AP1G2: variants seen among roughly 807,000 people sequenced by gnomAD.
AP1G2 encodes adaptor related protein complex 1 subunit gamma 2.
In AP1G2, 85 loss-of-function variants were observed where a neutral mutation model predicts 95.8. The ratio of observed to expected loss-of-function variants is 0.89; its 90% confidence interval spans 0.74 to 1.06. The LOEUF is 1.06. Among genes scored for constraint, AP1G2 ranks in the 50% least tolerant of loss-of-function variants. The probability of loss-of-function intolerance (pLI) is 0.00; values close to 1 mark genes in which losing one functional copy is unlikely to be tolerated. For synonymous variants in AP1G2, 378 were observed against 400.0 expected (o/e 0.94, Z 0.66); for missense variants, 967 against 1,005.8 (o/e 0.96, Z 0.52).
chr14:23,559,885 C>G, intron 21 of AP1G2, 35 bp from the exon 22 acceptor site: 1 of 1,612,420 alleles, frequency 6.2e-7, no homozygotes, highest in Non-Finnish European at 8.5e-7. Flanking sequence ...GGGTTAGCAC[C>G]CACGGCTTCT....
At position 23,566,335 on chromosome 14, in the gene AP1G2, G is replaced by T; in HGVS notation, c.414C>A (p.Asp138Glu). 1 of 1,614,042 alleles carries T rather than the reference G, an allele frequency of 6.2e-7. No homozygotes were observed. The change falls in exon 4 of 22, where the codon GAC becomes GAA. Residue 138 changes from aspartate to glutamate, a missense_variant. Coordinates refer to ENST00000397120, the MANE Select transcript of AP1G2 (RefSeq NM_003917.5). ...GCAGTTTCTCCACCTCTGGGGCCAG[G>T]TCTCGGCACATCTCAGCAGAGCCCA... Reference protein sequence around the residue: ...STMGSAEMCRDLAPEVEKLLL... With the variant: ...STMGSAEMCRELAPEVEKLLL...
chr14:23,563,939 G>C, intron 11 of AP1G2, 83 bp from the exon 12 acceptor site: 1 of 1,597,950 alleles, frequency 6.3e-7, no homozygotes, highest in Admixed American at 1.7e-5. Flanking sequence ...CCAGGGACCT[G>C]TCCCCCTTAG....
chr14:23,564,544 A>T lies in AP1G2; in HGVS notation c.921+18T>A. 1 of 1,611,062 alleles carries T rather than the reference A, an allele frequency of 6.2e-7. No homozygotes were observed. Among genetic ancestry groups the T allele is most frequent in the Non-Finnish European group, 8.5e-7 (1 of 1,178,092 alleles). On this transcript the variant is annotated intron_variant, in intron 9 of 21. Coordinates refer to ENST00000397120, the MANE Select transcript of AP1G2 (RefSeq NM_003917.5). ...GTGGTGGGCGGGGCCGTAGTGGGAG[A>T]GGCATAAGGGGTGATACCCGTAGGC...
Position 23,564,091 on chromosome 14 carries a change from G to A in AP1G2, c.1046C>T (p.Pro349Leu). The change falls in exon 11 of 22, where the codon CCC becomes CTC. Residue 349 changes from proline to leucine, a missense_variant. Transcript: ENST00000397120. The part of the protein sequence containing the change: ...SDHSAVQRHR[P>L]TVVECLRETD... ...TTCCCGTAGACATTCCACCACAGTG[G>A]GCCGATGCCGCTGCACAGCACTGTG... is the stretch of plus-strand genomic sequence containing the variant. 6.2e-7 allele frequency: 1 copy of A among 1,614,188 alleles called. No individual in the cohort carries two copies. The highest frequency in any genetic ancestry group is 8.5e-7 in the Non-Finnish European group (1 of 1,180,038).
At chr14:23,561,675 T>C in intron 17 of AP1G2, 40 bp from the exon 18 acceptor site, 2 of 1,607,282 alleles carry the variant, frequency 1.2e-6, no homozygotes, top group Non-Finnish European at 1.7e-6. Flanking sequence ...GTGTGGTCTC[T>C]GGGCCTTTCA....
In AP1G2 at chr14:23,559,979, G is replaced by A. The variant is rs1251512983; in HGVS notation, c.2215C>T (p.Leu739Phe). ...SGNTVPARGG[L>F]PITQLFRILN... is the part of the protein sequence containing the mutation. Reference sequence around the variant, plus strand: ...ATTCTGAAGAGCTGGGTGATAGGAAGGCCACCCCGAGCTGGAACTGTGTTC... The same window carrying A: ...ATTCTGAAGAGCTGGGTGATAGGAAAGCCACCCCGAGCTGGAACTGTGTTC... The change falls in exon 21 of 22, where the codon CTT (leucine) becomes TTT (phenylalanine). Residue 739 changes from leucine to phenylalanine, a missense_variant. Physicochemically the swap from Leu to Phe is conservative, Grantham distance 22. Coordinates refer to ENST00000397120, the MANE Select transcript of AP1G2 (RefSeq NM_003917.5). The A allele has an allele frequency of 1.2e-6, 2 of 1,613,262 alleles. No homozygotes were observed. Among genetic ancestry groups the A allele is most frequent in the South Asian group, 1.1e-5 (1 of 90,980 alleles).
intron 14 of AP1G2, chr14:23,562,890 T>C (rs1271155097): frequency 5.9e-6 from 3 of 512,780 alleles, no homozygotes; most frequent in African/African-American, 5.8e-5. Flanking sequence ...GGGAAGTTTG[T>C]TACCTGGCTC....
At position 23,564,559 on chromosome 14, in the gene AP1G2, T is replaced by C. The variant is rs1391065559; in HGVS notation, c.921+3A>G. ...GTAGTGGGAGAGGCATAAGGGGTGA[T>C]ACCCGTAGGCCAGCTGCAGAGCGGA... is the stretch of plus-strand genomic sequence containing the variant. On this transcript the variant is annotated splice_donor_region_variant and intron_variant, in intron 9 of 21. Coordinates refer to ENST00000397120, the MANE Select transcript of AP1G2 (RefSeq NM_003917.5). 10 of 1,612,804 alleles carry C rather than the reference T, an allele frequency of 6.2e-6. No homozygotes were observed. The Admixed American group carries it at 1.2e-4, about 19-fold the overall frequency.
chr14:23,564,247 GAA>G, intron 10 of AP1G2, 84 bp downstream of exon 10: 1 of 1,613,296 alleles, frequency 6.2e-7, no homozygotes, highest in Non-Finnish European at 8.5e-7. Context: ...AGATAAGAGA[GAA>G]ATGGATCAGG....
Position 23,559,645 on chromosome 14 carries a change from A to T in AP1G2, c.*104T>A. The T allele has an allele frequency of 9.7e-7, 1 of 1,035,878 alleles. No individual in the cohort carries two copies. Among genetic ancestry groups the T allele is most frequent in the Non-Finnish European group, 1.5e-6 (1 of 680,962 alleles). The allele number at this position is 1,035,878 out of a possible 1,614,324, so 64.2% of individuals were successfully genotyped here. A position where few individuals can be genotyped will look rare whatever the true frequency, so the allele number is the denominator to read the frequency against. On this transcript the variant is annotated 3_prime_UTR_variant, in exon 22 of 22. Coordinates refer to ENST00000397120, the MANE Select transcript of AP1G2 (RefSeq NM_003917.5). ...CTGGTCCCCAGTTTTTGCAGTGCAA[A>T]GCCAGAGCGCCACCTGCTGGTAGCC...
Position 23,564,099 on chromosome 14 carries a change from C to T in AP1G2, c.1038G>A (p.Arg346=). 1.2e-6 allele frequency: 2 copies of T among 1,614,188 alleles called. No individual in the cohort carries two copies. Among genetic ancestry groups the T allele is most frequent in the Non-Finnish European group, 8.5e-7 (1 of 1,180,030 alleles). Residue 346 remains arginine, a synonymous_variant, in exon 11 of 22, where the codon CGG becomes CGA. Transcript: ENST00000397120. The stretch of plus-strand genomic sequence containing the variant: ...GACATTCCACCACAGTGGGCCGATG[C>T]CGCTGCACAGCACTGTGATCAGACT... ...LVQSDHSAVQ[R]HRPTVVECLR...
intron 19 of AP1G2, 92 bp from the exon 20 acceptor site, chr14:23,560,510 G>T: frequency 1.5e-6 from 2 of 1,320,906 alleles, no homozygotes; most frequent in Non-Finnish European, 1.0e-6. Flanking sequence ...ACACCTACTG[G>T]CCCTGCACTA....
chr14:23,567,461 G>A lies in AP1G2; in HGVS notation c.-5-142C>T. ...GCGCCCGCATTTTACCTTTCCCGAA[G>A]TGGGTCTCCAAATTCCGCGCCCACC... On this transcript the variant is annotated intron_variant, in intron 1 of 21. Coordinates refer to ENST00000397120, the MANE Select transcript of AP1G2 (RefSeq NM_003917.5). This position sits in a 1 kb window ranked among gnomAD's most constrained non-coding sequence, Gnocchi z 5.3. The A allele has an allele frequency of 2.1e-6, 3 of 1,403,786 alleles. No individual in the cohort carries two copies. The highest frequency in any genetic ancestry group is 2.8e-6 in the Non-Finnish European group (3 of 1,086,568). 87.0% of individuals were successfully genotyped at this position (1,403,786 alleles called of 1,614,324 possible).
At chr14:23,564,933 G>T in intron 8 of AP1G2, 186 bp downstream of exon 8, 1 of 664,342 alleles carries the variant, frequency 1.5e-6, no homozygotes, top group Non-Finnish European at 2.6e-6. Flanking sequence ...TATGTGCCAG[G>T]GCCAGCCTGG....
Position 23,567,222 on chromosome 14 carries a change from C to T in AP1G2, c.93G>A (p.Glu31=), listed in dbSNP as rs1467871263. 3 of 1,613,150 alleles carry T rather than the reference C, an allele frequency of 1.9e-6. No homozygotes were observed. The highest frequency in any genetic ancestry group is 2.5e-6 in the Non-Finnish European group (3 of 1,179,504). ...GGAAGGAGGCCCGGATGTGGGCACACTCCTTTTGGATCACCTCCCGCTCCT... is the reference window on the plus strand; with the variant it reads ...GGAAGGAGGCCCGGATGTGGGCACATTCCTTTTGGATCACCTCCCGCTCCT... ...QAQEREVIQK[E]CAHIRASFRD... Residue 31 remains glutamate (E), a synonymous_variant, in exon 2 of 22, where the codon GAG becomes GAA. Coordinates refer to ENST00000397120, the MANE Select transcript of AP1G2 (RefSeq NM_003917.5). This position sits in a 1 kb window ranked among gnomAD's most constrained non-coding sequence, Gnocchi z 5.3.
chr14:23,561,869 C>T, intron 17 of AP1G2, 93 bp downstream of exon 17: 2 of 1,505,042 alleles, frequency 1.3e-6, no homozygotes, highest in Non-Finnish European at 1.8e-6. Flanking sequence ...TATGGAAGAA[C>T]ACAGGTGAGG....
At chr14:23,560,172 ACT>A (rs1410848114) in intron 20 of AP1G2, 81 bp downstream of exon 20, 6 of 1,541,332 alleles carry the variant, frequency 3.9e-6, no homozygotes, top group Non-Finnish European at 5.3e-6. Context: ...CCCATCTCAC[ACT>A]GTCTCCCACC....
chr14:23,564,607 C>T lies in AP1G2; in HGVS notation c.876G>A (p.Glu292=). ...SRNAGNAVLF[E]TVLTIMDIRS... is the part of the protein sequence containing the mutation. ...GGATATCCATGATGGTGAGTACTGT[C>T]TCAAACAGGACCGCATTTCCGGCAT... Residue 292 remains glutamate (E), a synonymous_variant, in exon 9 of 22, where the codon GAG becomes GAA. Transcript: ENST00000397120. 6.2e-7 allele frequency: 1 copy of T among 1,613,710 alleles called. No homozygotes were observed. The highest frequency in any genetic ancestry group is 8.5e-7 in the Non-Finnish European group (1 of 1,180,020).
chr14:23,562,072 C>T lies in AP1G2; in HGVS notation c.1629-6G>A, dbSNP rs1314105756. The T allele has an allele frequency of 1.2e-6, 2 of 1,612,282 alleles. No individual in the cohort carries two copies. On this transcript the variant is annotated splice_polypyrimidine_tract_variant and splice_region_variant and intron_variant, in intron 16 of 21. Transcript: ENST00000397120. ...ACACCACCTGGCGGATGCGGCTGGG[C>T]CAGTGTAGTATGTAAGTGGCTATGG... is the stretch of plus-strand genomic sequence containing the variant.
Sources: allele counts gnomAD v4.1 joint callset, GRCh38; gene constraint gnomAD v4.1.1; non-coding constraint Gnocchi (gnomAD v3.1); transcripts MANE v1.5; gene names NCBI Gene and HGNC (gene_info 2026-07-23, HGNC 2026-07-21).